PKIA: variants seen among roughly 807,000 people sequenced by gnomAD.
PKIA encodes the protein PKI-alpha.
In PKIA, 4 loss-of-function variants were observed where a neutral mutation model predicts 7.6. The observed-to-expected ratio is 0.52, with a 90% confidence interval of 0.26 to 1.20. The LOEUF is 1.20. Among genes scored for constraint, PKIA ranks in the 50% most tolerant of loss-of-function variants. PKIA has a pLI of 0.13. For missense variants in PKIA, 73 were observed against 86.2 expected, an observed-to-expected ratio of 0.85 and a Z score of 0.61; for synonymous variants, 21 against 30.7, an observed-to-expected ratio of 0.68 and a Z score of 1.04.
intron 2 of PKIA, among the ~76,000 whole-genome samples, chr8:78,574,582 C>G (rs1459230861): frequency 2.6e-5 from 4 of 151,970 alleles, no homozygotes; most frequent in African/African-American, 9.7e-5. Context: ...CTCACACACA[C>G]TCTCCCAGGT....
intron 2 of PKIA, among the ~76,000 whole-genome samples, chr8:78,579,836 A>G (rs570877543): frequency 1.3e-5 from 2 of 152,186 alleles, no homozygotes; most frequent in African/African-American, 4.8e-5. Context: ...CAGGAAATCA[A>G]GATGGCCTGG....
chr8:78,536,429 A>G (rs1806523873), intron 1 of PKIA, among the ~76,000 whole-genome samples: 1 of 152,098 alleles, frequency 6.6e-6, no homozygotes, highest in African/African-American at 2.4e-5. Flanking sequence ...AGACTCTGGA[A>G]GTAGTGAGCA....
intron 1 of PKIA, among the ~76,000 whole-genome samples, chr8:78,562,217 C>G (rs1807302846): frequency 1.3e-5 from 2 of 152,114 alleles, no homozygotes; most frequent in African/African-American, 2.4e-5. Flanking sequence ...CCAGGGTCAC[C>G]AAGCTTATAT....
At chr8:78,593,852 C>T (rs2130262193) in intron 2 of PKIA, among the ~76,000 whole-genome samples, 1 of 149,510 alleles carries the variant, frequency 6.7e-6, no homozygotes, top group East Asian at 1.9e-4. Flanking sequence ...TCAGGTCCTT[C>T]ATCTATAAAA....
intron 2 of PKIA, among the ~76,000 whole-genome samples, chr8:78,592,455 G>A (rs959711778): frequency 5.9e-5 from 9 of 151,972 alleles, no homozygotes; most frequent in Non-Finnish European, 1.0e-4. Context: ...TTACTTTAAA[G>A]GTTCAGAATT....
intron 1 of PKIA, among the ~76,000 whole-genome samples, chr8:78,531,382 T>C (rs555484762): frequency 1.3e-5 from 2 of 152,150 alleles, no homozygotes; most frequent in Non-Finnish European, 2.9e-5. Context: ...ATGGCGTTTT[T>C]CCTCCATTTA....
At chr8:78,541,464 A>C (rs1165309699) in intron 1 of PKIA, among the ~76,000 whole-genome samples, 1 of 152,154 alleles carries the variant, frequency 6.6e-6, no homozygotes, top group Non-Finnish European at 1.5e-5. Flanking sequence ...TTATTTCTCT[A>C]ACCATTGAAT....
intron 1 of PKIA, among the ~76,000 whole-genome samples, chr8:78,555,465 T>C (rs1209146864): frequency 1.3e-5 from 2 of 152,082 alleles, no homozygotes; most frequent in African/African-American, 4.8e-5. Flanking sequence ...CAGAACTTTT[T>C]GGCTTCTCCC....
At chr8:78,522,289 G>C (rs746962480) in intron 1 of PKIA, among the ~76,000 whole-genome samples, 9 of 151,818 alleles carry the variant, frequency 5.9e-5, no homozygotes, top group African/African-American at 1.2e-4. Flanking sequence ...AAATTGTTTT[G>C]TGACTTCAAG....
At chr8:78,591,631 C>A (rs568139677) in intron 2 of PKIA, among the ~76,000 whole-genome samples, 1 of 152,034 alleles carries the variant, frequency 6.6e-6, no homozygotes, top group Non-Finnish European at 1.5e-5. Context: ...TTAAATAGTT[C>A]AGTATTTAAA....
chr8:78,558,207 A>C (rs1003087146), intron 1 of PKIA, among the ~76,000 whole-genome samples: 6 of 152,162 alleles, frequency 3.9e-5, no homozygotes, highest in African/African-American at 1.4e-4. Context: ...TAAAATATCT[A>C]TTATCTCCAA....
At chr8:78,566,361 A>G (rs1360348499) in intron 1 of PKIA, among the ~76,000 whole-genome samples, 2 of 152,064 alleles carry the variant, frequency 1.3e-5, no homozygotes, top group South Asian at 4.1e-4. Flanking sequence ...AGGCAAAGAG[A>G]AAAATAGCCT....
At chr8:78,564,427 C>T (rs1807358503) in intron 1 of PKIA, among the ~76,000 whole-genome samples, 1 of 151,788 alleles carries the variant, frequency 6.6e-6, no homozygotes, top group Non-Finnish European at 1.5e-5. Flanking sequence ...ATGTGATGTT[C>T]AACTTTAATA....
chr8:78,568,601 G>A (rs961557876), intron 1 of PKIA, among the ~76,000 whole-genome samples: 12 of 152,094 alleles, frequency 7.9e-5, no homozygotes, highest in Non-Finnish European at 4.4e-5. Context: ...CGGGACTTAA[G>A]AAATGACCTG....
At position 78,523,350 on chromosome 8, in the gene PKIA, T is replaced by G. The variant is rs532511366; in HGVS notation, c.-157+6882T>G. ...TACCTCTATCTTTATGGTTGTTTGA[T>G]TAAACCCTCTTTGAAAAGCAGACGT... is the stretch of plus-strand genomic sequence containing the variant. On this transcript the variant is annotated intron_variant, in intron 1 of 3. Transcript: ENST00000396418. 9.2e-5 allele frequency among the ~76,000 whole-genome samples: 14 copies of G among 152,060 alleles called. No homozygotes were observed. In the South Asian group the frequency reaches 2.9e-3, roughly 32 times the overall value.
chr8:78,549,130 G>T (rs911240730), intron 1 of PKIA, among the ~76,000 whole-genome samples: 10 of 152,000 alleles, frequency 6.6e-5, no homozygotes, highest in Non-Finnish European at 1.5e-5. Context: ...ATGTATATGG[G>T]TGTTTATGTG....
chr8:78,526,240 G>A (rs896336054), intron 1 of PKIA, among the ~76,000 whole-genome samples: 1 of 151,950 alleles, frequency 6.6e-6, no homozygotes, highest in Non-Finnish European at 1.5e-5. Flanking sequence ...GGAGAGGTTG[G>A]GTCCACTGTA....
chr8:78,520,377 A>T (rs1036124636), intron 1 of PKIA, among the ~76,000 whole-genome samples: 9 of 152,190 alleles, frequency 5.9e-5, no homozygotes, highest in Non-Finnish European at 1.2e-4. Context: ...TAATGAAGAC[A>T]TTGTACCTGC....
In PKIA at chr8:78,551,914, T is replaced by G. The variant is rs140537353; in HGVS notation, c.-156-20897T>G. On this transcript the variant is annotated intron_variant, in intron 1 of 3. Transcript: ENST00000396418. ...CTTTCTGTGTTTTTCAGATGTGCAT[T>G]GAGAATGCTGTTTAACTCCTATTAT... 8.0e-3 allele frequency among the ~76,000 whole-genome samples: 1,211 copies of G among 152,138 alleles called. 11 individuals are homozygous for G. The highest frequency in any genetic ancestry group is 0.027 in the African/African-American group (1,125 of 41,548).
Sources: gnomAD v4.1 joint callset for allele counts (sites outside exome capture counted in the v4.1 genomes callset) on GRCh38, gnomAD v4.1.1 for gene constraint, MANE v1.5 for transcripts, NCBI Gene and HGNC (gene_info 2026-07-23, HGNC 2026-07-21) for gene names.